NIFK: variants seen among roughly 807,000 people sequenced by gnomAD.
The protein encoded by NIFK is MKI67 FHA domain-interacting nucleolar phosphoprotein.
Under a neutral mutation model 31.7 loss-of-function variants are expected in NIFK, and 16 were observed. That is an observed-to-expected ratio of 0.50 (90% confidence interval 0.34 to 0.77). The LOEUF (loss-of-function observed/expected upper bound fraction) is 0.77, where lower values mean the gene tolerates loss of function less well. Among genes scored for constraint, NIFK ranks in the 30% least tolerant of loss-of-function variants. The pLI, the probability that NIFK is intolerant of heterozygous loss-of-function variation, is 0.01. For missense variants in NIFK, 341 were observed against 350.4 expected (o/e 0.97, Z 0.21); for synonymous variants, 126 against 123.0 (o/e 1.02, Z -0.16).
In NIFK at chr2:121,733,425, G is replaced by A. The variant is rs546172531; in HGVS notation, c.244-1221C>T. Among the ~76,000 whole-genome samples, 12 of 151,990 alleles carry A rather than the reference G, an allele frequency of 7.9e-5. No homozygotes were observed. The South Asian group carries it at 2.5e-3, about 32-fold the overall frequency. ...AGCTATTCAGGAGGCTGAGGCAGGA[G>A]AATCACTTGAATCCGAGAGGCTGAG... On this transcript the variant is annotated intron_variant, in intron 2 of 6. Coordinates refer to ENST00000285814, the MANE Select transcript of NIFK (RefSeq NM_032390.5).
rs759891996 is a variant in NIFK, at chr2:121,736,836, A to G, written c.15T>C (p.Ser5=). MATF[S]GPAGPILSLN... is the part of the protein sequence containing the mutation. ...GCGACAGGATTGGCCCAGCCGGGCC[A>G]GAAAAAGTCGCCATGCCAAAAGCCG... Residue 5 remains serine, a synonymous_variant, in exon 1 of 7, where the codon TCT becomes TCC. Transcript: ENST00000285814. 6 of 1,614,100 alleles carry G rather than the reference A, an allele frequency of 3.7e-6. No homozygotes were observed. The highest frequency in any genetic ancestry group is 1.7e-4 in the Middle Eastern group (1 of 6,060).
intron 1 of NIFK, among the ~76,000 whole-genome samples, chr2:121,736,524 A>T (rs2074581641): frequency 6.6e-6 from 1 of 152,166 alleles, no homozygotes; most frequent in African/African-American, 2.4e-5. Context: ...AAACCCCTCC[A>T]TCATTTACCG....
chr2:121,728,713 C>A, intron 4 of NIFK, 177 bp from the exon 5 acceptor site: 1 of 509,650 alleles, frequency 2.0e-6, no homozygotes, highest in Non-Finnish European at 3.4e-6. Flanking sequence ...TAGGAAAAAC[C>A]CAGTAGAGGA....
intron 6 of NIFK, 37 bp downstream of exon 6, chr2:121,728,251 T>C: frequency 8.0e-7 from 1 of 1,246,796 alleles, no homozygotes; most frequent in South Asian, 1.3e-5. Flanking sequence ...ATTATTTCTA[T>C]AATATCTGGT....
chr2:121,731,176 A>T (rs2074536529), intron 3 of NIFK, 72 bp from the exon 4 acceptor site: 1 of 812,478 alleles, frequency 1.2e-6, no homozygotes, highest in African/African-American at 1.7e-5. Context: ...GCCATTCCTC[A>T]CACAACAAAA....
At position 121,727,124 on chromosome 2, in the gene NIFK, A is replaced by C. The variant is rs576340353; in HGVS notation, c.*600T>G. On this transcript the variant is annotated 3_prime_UTR_variant, in exon 7 of 7. Transcript: ENST00000285814. Reference sequence around the variant, plus strand: ...TCTTCACTGATGATACTGGTATAAAATGGTGGTTATTAATTCATGCTAGCA... The same window carrying C: ...TCTTCACTGATGATACTGGTATAAACTGGTGGTTATTAATTCATGCTAGCA... The C allele has an allele frequency of 2.5e-4, 52 of 206,752 alleles. No individual in the cohort carries two copies. Among genetic ancestry groups the C allele is most frequent in the Non-Finnish European group, 4.2e-4 (42 of 100,172 alleles). The allele number at this position is 206,752 out of a possible 1,614,324, so 12.8% of individuals were successfully genotyped here.
In NIFK at chr2:121,727,837, T is replaced by A. The variant is rs192831906; in HGVS notation, c.769A>T (p.Lys257Ter). ...TGTTTGAAAACTATTTCATCATCTT[T>A]ATCATCATCATTCAGTTCAGCCACT... ...SQVAELNDDDKDDEIVFKQPI... is the reference protein window; with the variant it reads ...SQVAELNDDD The change falls in exon 7 of 7, where the codon AAA becomes TAA. Residue 257 changes from lysine (K) to a stop codon, truncating the protein, a stop_gained. Coordinates refer to ENST00000285814, the MANE Select transcript of NIFK (RefSeq NM_032390.5). LOFTEE classifies it low-confidence loss of function (END_TRUNC). 6.2e-7 allele frequency: 1 copy of A among 1,612,956 alleles called. No individual in the cohort carries two copies. The highest frequency in any genetic ancestry group is 1.3e-5 in the African/African-American group (1 of 74,914).
At chr2:121,731,528 T>C (rs972526736) in intron 3 of NIFK, among the ~76,000 whole-genome samples, 4 of 152,196 alleles carry the variant, frequency 2.6e-5, no homozygotes, top group Non-Finnish European at 5.9e-5. Context: ...TTTAGACAGA[T>C]TTTGCAACGC....
chr2:121,728,188 T>C, intron 6 of NIFK, 100 bp downstream of exon 6: 1 of 839,304 alleles, frequency 1.2e-6, no homozygotes, highest in Non-Finnish European at 1.9e-6. Context: ...TGTCACAATA[T>C]TTAATTTGAA....
chr2:121,732,756 G>A (rs892137219), intron 2 of NIFK, among the ~76,000 whole-genome samples: 1 of 151,998 alleles, frequency 6.6e-6, no homozygotes, highest in Non-Finnish European at 1.5e-5. Context: ...GGCCGAGGGT[G>A]GATCATCTGA....
Position 121,735,667 on chromosome 2 carries a change from T to C in NIFK, c.189A>G (p.Ser63=), listed in dbSNP as rs1029133609. The C allele has an allele frequency of 6.2e-7, 1 of 1,612,680 alleles. No homozygotes were observed. The highest frequency in any genetic ancestry group is 1.1e-5 in the South Asian group (1 of 91,010). Residue 63 remains serine (S), a synonymous_variant, in exon 2 of 7, where the codon TCA becomes TCG. Coordinates refer to ENST00000285814, the MANE Select transcript of NIFK (RefSeq NM_032390.5). ...PNLLDETQIF[S]YFSQFGTVTR... ...TCACAGTGCCAAACTGGGAGAAATATGAAAAGATCTGGGTTTCGTCAAGTA... is the reference window on the plus strand; with the variant it reads ...TCACAGTGCCAAACTGGGAGAAATACGAAAAGATCTGGGTTTCGTCAAGTA...
rs185431138 is a variant in NIFK at position 121,730,978 on chromosome 2, C to T, written c.479G>A (p.Arg160Gln). 28 of 1,613,292 alleles carry T rather than the reference C, an allele frequency of 1.7e-5. No homozygotes were observed. Among genetic ancestry groups the T allele is most frequent in the Middle Eastern group, 1.7e-4 (1 of 5,784 alleles). The change falls in exon 4 of 7, where the codon CGG (arginine) becomes CAG (glutamine). Residue 160 changes from arginine (R) to glutamine (Q), a missense_variant. Arg to Gln is a conservative substitution (Grantham distance 43). Coordinates refer to ENST00000285814, the MANE Select transcript of NIFK (RefSeq NM_032390.5). The part of the protein sequence containing the change: ...NRNRTLTQKL[R>Q]MEERFKKKER... ...TTTCTTTTTAAATCGCTCCTCCATC[C>T]GTAGCTTTTGTGTTAGTGTCCGATT...
At chr2:121,730,200 A>G (rs761836506) in intron 4 of NIFK, among the ~76,000 whole-genome samples, 36 of 152,042 alleles carry the variant, frequency 2.4e-4, no homozygotes, top group Admixed American at 3.3e-4. Context: ...CCTGGGCAAC[A>G]CAGCAAGACT....
At chr2:121,733,913 C>A (rs2074561466) in intron 2 of NIFK, among the ~76,000 whole-genome samples, 2 of 152,164 alleles carry the variant, frequency 1.3e-5, no homozygotes, top group South Asian at 4.1e-4. Flanking sequence ...GCAAAATACT[C>A]TTCTAGAAAA....
intron 4 of NIFK, chr2:121,730,673 G>A (rs1179294102): frequency 1.8e-5 from 9 of 508,408 alleles, no homozygotes; most frequent in South Asian, 4.8e-5. Flanking sequence ...GAGAAACCCC[G>A]TCTCTACTAA....
chr2:121,727,502 G>A lies in NIFK; in HGVS notation c.*222C>T, dbSNP rs1401016457. On this transcript the variant is annotated 3_prime_UTR_variant, in exon 7 of 7. Coordinates refer to ENST00000285814, the MANE Select transcript of NIFK (RefSeq NM_032390.5). ...AAAGAAAACTAGAGGCCAGGACAAAGAGGCAATGTCAGCCAAGCCACTGCA... is the reference window on the plus strand; with the variant it reads ...AAAGAAAACTAGAGGCCAGGACAAAAAGGCAATGTCAGCCAAGCCACTGCA... The A allele has an allele frequency of 5.8e-6, 4 of 691,308 alleles. No individual in the cohort carries two copies. The highest frequency in any genetic ancestry group is 1.1e-5 in the Non-Finnish European group (4 of 369,800). 42.8% of individuals were successfully genotyped at this position (691,308 alleles called of 1,614,324 possible).
At chr2:121,730,047 T>C (rs2074526290) in intron 4 of NIFK, among the ~76,000 whole-genome samples, 1 of 151,976 alleles carries the variant, frequency 6.6e-6, no homozygotes, top group African/African-American at 2.4e-5. Flanking sequence ...ACCCCATTTC[T>C]ACTAAAAATA....
chr2:121,736,036 C>T (rs1485146498), intron 1 of NIFK, among the ~76,000 whole-genome samples: 1 of 152,224 alleles, frequency 6.6e-6, no homozygotes, highest in Non-Finnish European at 1.5e-5. Flanking sequence ...TTTAGATCTT[C>T]TGCCCAGAGA....
intron 1 of NIFK, 74 bp from the exon 2 acceptor site, chr2:121,735,824 G>T: frequency 7.7e-7 from 1 of 1,301,038 alleles, no homozygotes; most frequent in Non-Finnish European, 1.1e-6. Context: ...CCTAGCCCTC[G>T]GCCCAAGAAC....
Sources: allele counts gnomAD v4.1 joint callset (sites outside exome capture counted in the v4.1 genomes callset), GRCh38; gene constraint gnomAD v4.1.1; transcripts MANE v1.5; gene names NCBI Gene and HGNC (gene_info 2026-07-23, HGNC 2026-07-21).